Variants in KLC3 observed in about 807,000 individuals in gnomAD.
The protein encoded by KLC3 is kinesin light chain 2.
Under a neutral mutation model 62.9 loss-of-function variants are expected in KLC3, and 72 were observed. The ratio of observed to expected loss-of-function variants is 1.15; its 90% CI spans 0.95 to 1.39. The LOEUF is 1.39. Ranked by LOEUF, KLC3 falls within the 40% of genes most tolerant of loss-of-function variation. The probability of loss-of-function intolerance (pLI) is 0.00; values close to 1 mark genes in which losing one functional copy is unlikely to be tolerated. For synonymous variants in KLC3, 377 were observed against 300.5 expected, an observed-to-expected ratio of 1.25 and a Z score of -2.63; for missense variants, 848 against 691.6, an observed-to-expected ratio of 1.23 and a Z score of -2.54.
Position 45,347,958 on chromosome 19 carries a change from G to A in KLC3, c.577G>A (p.Ala193Thr), listed in dbSNP as rs777262651. 3.7e-6 allele frequency: 6 copies of A among 1,606,398 alleles called. No homozygotes were observed. In the East Asian group the frequency reaches 6.7e-5, roughly 18 times the overall value. ...EERKGPEAAG[A>T]AAAQQGGYEI... ...CCACCTAGGTCCTGAGGCCGCAGGA[G>A]CAGCAGCTGCTCAGCAGGGTGGCTA... Residue 193 changes from alanine (A) to threonine (T), a missense_variant, in exon 5 of 13, where the codon GCA (alanine) becomes ACA (threonine). Physicochemically the swap from Ala to Thr is moderately conservative, Grantham distance 58. Coordinates refer to ENST00000391946, the MANE Select transcript of KLC3 (RefSeq NM_177417.3).
At position 45,350,664 on chromosome 19, in the gene KLC3, CTCCA is replaced by C. The variant is rs1568527721; in HGVS notation, c.1297_1300del (p.Ser433ArgfsTer28). ...AGGCCCTTCGCCGCAGCAGCTCACT[CTCCA>C]AGATCCGTGAGTCTATCAGGCGAGG... On this transcript the variant is annotated frameshift_variant, in exon 11 of 13. Transcript: ENST00000391946. LOFTEE classifies it high-confidence loss of function. 3.7e-6 allele frequency: 6 copies of C among 1,613,504 alleles called. No homozygotes were observed. The Admixed American group carries it at 6.7e-5, about 18-fold the overall frequency.
At chr19:45,349,053 C>A in intron 7 of KLC3, 132 bp downstream of exon 7, 1 of 760,728 alleles carries the variant, frequency 1.3e-6, no homozygotes, top group Non-Finnish European at 2.1e-6. Context: ...CCAGTTGGAG[C>A]CTAGATCACC....
intron 1 of KLC3, among the ~76,000 whole-genome samples, chr19:45,344,100 C>G (rs1279019413): frequency 6.6e-6 from 1 of 150,642 alleles, no homozygotes; most frequent in Non-Finnish European, 1.5e-5. Context: ...CCAAAGTGCT[C>G]GGAGTACAGG....
rs3047585 is a variant in KLC3, at chr19:45,341,776, CGTGT to C, written c.-9+953_-9+956del. On this transcript the variant is annotated intron_variant, in intron 1 of 12. Coordinates refer to ENST00000391946, the MANE Select transcript of KLC3 (RefSeq NM_177417.3). ...GTGGAGGTGTGTGAAGCCGTGTGTG[CGTGT>C]GTGTGTGTGTGTGTGTGTGTGTAGA... 8.1e-3 allele frequency among the ~76,000 whole-genome samples: 1,092 copies of C among 134,002 alleles called. 4 individuals carry two copies. Among genetic ancestry groups the C allele is most frequent in the African/African-American group, 9.1e-3 (293 of 32,200 alleles). The allele number at this position is 134,002 out of a possible 152,430, so 87.9% of individuals were successfully genotyped here. A position where few individuals can be genotyped will look rare whatever the true frequency, so the allele number is the denominator to read the frequency against.
intron 1 of KLC3, among the ~76,000 whole-genome samples, chr19:45,341,161 A>G (rs1185839157): frequency 6.7e-6 from 1 of 149,180 alleles, no homozygotes; most frequent in Non-Finnish European, 1.5e-5. Flanking sequence ...CTGGGCCACG[A>G]TGGGAGTCTC....
intron 1 of KLC3, 180 bp from the exon 2 acceptor site, chr19:45,345,354 G>T (rs774803035): frequency 2.1e-5 from 16 of 745,388 alleles, no homozygotes; most frequent in Non-Finnish European, 3.6e-5. Context: ...GGCTGGGATG[G>T]GTGTGGAGAC....
At position 45,348,117 on chromosome 19, in the gene KLC3, C is replaced by T. The variant is rs1568523964; in HGVS notation, c.736C>T (p.Pro246Ser). The change falls in exon 5 of 13, where the codon CCT becomes TCT. Residue 246 changes from proline (P) to serine (S), a missense_variant. Coordinates refer to ENST00000391946, the MANE Select transcript of KLC3 (RefSeq NM_177417.3). ...GGAGCGCAGCTCGGGCCACTGCCAC[C>T]CTGACGTGGCCACCATGCTCAACAT... ...DLERSSGHCH[P>S]DVATMLNILA... 6.2e-7 allele frequency: 1 copy of T among 1,600,472 alleles called. No individual in the cohort carries two copies. Among genetic ancestry groups the T allele is most frequent in the South Asian group, 1.1e-5 (1 of 89,140 alleles).
Position 45,350,749 on chromosome 19 carries a change from TGA to T in KLC3, c.1379+4_1379+5del, listed in dbSNP as rs747576027. 31 of 1,607,252 alleles carry T rather than the reference TGA, an allele frequency of 1.9e-5. No homozygotes were observed. Among genetic ancestry groups the T allele is most frequent in the Non-Finnish European group, 2.6e-5 (31 of 1,177,402 alleles). ...CGAGGCGGCGGCAGGAGCAGCCGGG[TGA>T]GTGTTGATCAGGTCGGCAAAGAGCC... is the stretch of plus-strand genomic sequence containing the variant. On this transcript the variant is annotated splice_donor_region_variant and intron_variant, in intron 11 of 12. Coordinates refer to ENST00000391946, the MANE Select transcript of KLC3 (RefSeq NM_177417.3).
At chr19:45,346,427 C>G in intron 2 of KLC3, 117 bp from the exon 3 acceptor site, 1 of 867,856 alleles carries the variant, frequency 1.2e-6, no homozygotes, top group Non-Finnish European at 1.7e-6. Flanking sequence ...TCTGCAGAAT[C>G]TGGGGGTGTC....
intron 1 of KLC3, among the ~76,000 whole-genome samples, chr19:45,344,051 C>T (rs1971439815): frequency 1.3e-5 from 2 of 151,766 alleles, no homozygotes; most frequent in South Asian, 4.2e-4. Flanking sequence ...TGGTCTTGAA[C>T]TCCTGGGCTC....
chr19:45,346,164 A>G (rs548914464), intron 2 of KLC3, among the ~76,000 whole-genome samples: 3 of 152,168 alleles, frequency 2.0e-5, no homozygotes, highest in Admixed American at 1.3e-4. Flanking sequence ...TGTCCCAAAA[A>G]ACAACAGAAA....
At chr19:45,349,702 G>GGGGCCCCCAGGCC in intron 8 of KLC3, 100 bp downstream of exon 8, 1 of 813,444 alleles carries the variant, frequency 1.2e-6, no homozygotes, top group Non-Finnish European at 1.8e-6. Flanking sequence ...AGGGTGGGGG[G>GGGGCCCCCAGGCC]GGGCCCCCCA....
Position 45,350,545 on chromosome 19 carries a change from AGAACAGGTGAGGAT to A in KLC3, c.1268_1272+9del. On this transcript the variant is annotated splice_donor_variant and splice_donor_5th_base_variant and coding_sequence_variant and intron_variant, in exon 10 of 13. Transcript: ENST00000391946. LOFTEE classifies it high-confidence loss of function. Reference sequence around the variant, plus strand: ...CCAACACAGGCACAGCTGGTGACGCAGAACAGGTGAGGATGGGCTGTGCTTCGGCTCCTGGGGTG... The same window carrying A: ...CCAACACAGGCACAGCTGGTGACGCAGGGCTGTGCTTCGGCTCCTGGGGTG... The A allele has an allele frequency of 6.2e-7, 1 of 1,613,764 alleles. No homozygotes were observed. Among genetic ancestry groups the A allele is most frequent in the Non-Finnish European group, 8.5e-7 (1 of 1,179,944 alleles).
chr19:45,346,623 C>G lies in KLC3; in HGVS notation c.338C>G (p.Ala113Gly). The G allele has an allele frequency of 6.4e-7, 1 of 1,552,058 alleles. No individual in the cohort carries two copies. The highest frequency in any genetic ancestry group is 2.0e-5 in the Admixed American group (1 of 51,076). ...QRLRSQARRLAQENVWLREEL... is the reference protein window; with the variant it reads ...QRLRSQARRLGQENVWLREEL... ...CTGCGCTCGCAGGCCCGGCGGCTGG[C>G]CCAGGAGAACGTGTGGCTGCGGGAG... is the stretch of plus-strand genomic sequence containing the variant. Residue 113 changes from alanine to glycine, a missense_variant, in exon 3 of 13, where the codon GCC becomes GGC. By Grantham distance (60) the Ala-to-Gly change is moderately conservative (BLOSUM62 0). Coordinates refer to ENST00000391946, the MANE Select transcript of KLC3 (RefSeq NM_177417.3).
In KLC3 at chr19:45,348,733, G is replaced by C. The variant is rs142961755; in HGVS notation, c.867G>C (p.Ala289=). The stretch of plus-strand genomic sequence containing the variant: ...AGACGCTGGGCCCTGAGCACCCCGC[G>C]GTGAGTGGGGCCCCAGGGAGACGAA... The part of the protein sequence containing the change: ...REQTLGPEHP[A]VAATLNNLAV... The change falls in exon 6 of 13, where the codon GCG becomes GCC. Residue 289 remains alanine (A), a splice_region_variant and synonymous_variant. Transcript: ENST00000391946. 4 of 1,583,192 alleles carry C rather than the reference G, an allele frequency of 2.5e-6. No individual in the cohort carries two copies. The highest frequency in any genetic ancestry group is 1.8e-5 in the Admixed American group (1 of 55,258).
At chr19:45,346,444 A>C in intron 2 of KLC3, 100 bp from the exon 3 acceptor site, 1 of 971,308 alleles carries the variant, frequency 1.0e-6, no homozygotes, top group Non-Finnish European at 1.5e-6. Flanking sequence ...TGTCGTGCAT[A>C]GTAGTGGGGT....
rs776652784 is a variant in KLC3, at chr19:45,349,569, T to C, written c.1110T>C (p.His370=). ...LSIYEALGGP[H]DPNVAKTKNN... ...TCTATGAGGCACTGGGCGGGCCCCA[T>C]GACCCCAACGTGGCCAAGACCAAGA... The change falls in exon 8 of 13, where the codon CAT becomes CAC. Residue 370 remains histidine (H), a synonymous_variant. Coordinates refer to ENST00000391946, the MANE Select transcript of KLC3 (RefSeq NM_177417.3). 5 of 1,613,506 alleles carry C rather than the reference T, an allele frequency of 3.1e-6. No homozygotes were observed. The South Asian group carries it at 3.3e-5, about 11-fold the overall frequency.
chr19:45,351,441 T>C lies in KLC3; in HGVS notation c.*84T>C. On this transcript the variant is annotated 3_prime_UTR_variant, in exon 13 of 13. Transcript: ENST00000391946. ...GTGGGGTGAGAGGGGGTCTATCATC[T>C]CCTGGCCCCCCCTTGCCTCTGGGTA... The C allele has an allele frequency of 1.9e-6, 3 of 1,586,518 alleles. No homozygotes were observed. The highest frequency in any genetic ancestry group is 2.6e-6 in the Non-Finnish European group (3 of 1,169,486).
In KLC3 at chr19:45,348,164, A is replaced by G. The variant is rs1377102389; in HGVS notation, c.779+4A>G. On this transcript the variant is annotated splice_donor_region_variant and intron_variant, in intron 5 of 12. Coordinates refer to ENST00000391946, the MANE Select transcript of KLC3 (RefSeq NM_177417.3). Reference sequence around the variant, plus strand: ...ACATCCTGGCGCTGGTGTACCGGTGAGCACTGCGGCCAGCCATGGCTGGGG... The same window carrying G: ...ACATCCTGGCGCTGGTGTACCGGTGGGCACTGCGGCCAGCCATGGCTGGGG... 1 of 1,570,938 alleles carries G rather than the reference A, an allele frequency of 6.4e-7. No homozygotes were observed. The highest frequency in any genetic ancestry group is 8.7e-7 in the Non-Finnish European group (1 of 1,154,710).
Sources: gnomAD v4.1 joint callset for allele counts (sites outside exome capture counted in the v4.1 genomes callset) on GRCh38, gnomAD v4.1.1 for gene constraint, MANE v1.5 for transcripts, NCBI Gene and HGNC (gene_info 2026-07-23, HGNC 2026-07-21) for gene names.